STK3: variants seen among roughly 807,000 people sequenced by gnomAD.
STK3 encodes the protein serine/threonine-protein kinase 3.
STK3 carries 41 observed loss-of-function variants against 58.0 expected under a neutral mutation model. The observed-to-expected ratio is 0.71, with a 90% CI of 0.55 to 0.92. The LOEUF is 0.92. Ranked by LOEUF, STK3 falls within the 40% of genes least tolerant of loss-of-function variation. The pLI is 0.00. For synonymous variants in STK3, 170 were observed against 191.0 expected, an observed-to-expected ratio of 0.89 and a Z score of 0.91; for missense variants, 479 against 602.7, an observed-to-expected ratio of 0.79 and a Z score of 2.15.
At position 98,699,850 on chromosome 8, in the gene STK3, CAGATCT is replaced by C. The variant is rs1825386772; in HGVS notation, c.684+6611_684+6616del. On this transcript the variant is annotated intron_variant, in intron 6 of 10. Transcript: ENST00000419617. ...CTTGAGGAGGCAGTCTGCCCATTCTCAGATCTCCAGCTGCGTGCTGGGAGAACCACT... is the reference window on the plus strand; with the variant it reads ...CTTGAGGAGGCAGTCTGCCCATTCTCCCAGCTGCGTGCTGGGAGAACCACT... 2.0e-5 allele frequency among the ~76,000 whole-genome samples: 3 copies of C among 152,218 alleles called. No homozygotes were observed. In the South Asian group the frequency reaches 6.2e-4, roughly 31 times the overall value.
chr8:98,530,098 G>A (rs1368079012), intron 9 of STK3, among the ~76,000 whole-genome samples: 2 of 152,044 alleles, frequency 1.3e-5, no homozygotes, highest in African/African-American at 2.4e-5. Flanking sequence ...AAATTTTTTG[G>A]TTTCCCAGTG....
chr8:98,596,293 A>ACTG, intron 6 of STK3, 124 bp from the exon 7 acceptor site: 2 of 1,155,254 alleles, frequency 1.7e-6, no homozygotes, highest in Non-Finnish European at 2.4e-6. Context: ...CTGTTCTAGG[A>ACTG]TTTCTAGTAA....
At chr8:98,939,868 G>A (rs1840340755) in intron 1 of STK3, among the ~76,000 whole-genome samples, 1 of 152,246 alleles carries the variant, frequency 6.6e-6, no homozygotes, top group Admixed American at 6.5e-5. Flanking sequence ...GGGGCCCGGT[G>A]CGGAGAGCCC....
At chr8:98,347,486 G>A in the STK3 span, among the ~76,000 whole-genome samples, 15 of 151,118 alleles carry the variant, frequency 9.9e-5, no homozygotes, top group South Asian at 2.1e-3. Flanking sequence ...CTGCACTCCC[G>A]CCTGGGCCAC....
At chr8:98,725,969 A>G (rs1456292593) in intron 4 of STK3, among the ~76,000 whole-genome samples, 2 of 152,198 alleles carry the variant, frequency 1.3e-5, no homozygotes, top group Non-Finnish European at 2.9e-5. Context: ...CAACCCAAGC[A>G]CTGAAGCTTG....
intron 4 of STK3, among the ~76,000 whole-genome samples, chr8:98,744,097 A>G (rs1053060938): frequency 6.6e-6 from 1 of 152,110 alleles, no homozygotes; most frequent in African/African-American, 2.4e-5. Context: ...GCTGGAGAGG[A>G]TGTGGAGAAA....
intron 1 of STK3, among the ~76,000 whole-genome samples, chr8:98,933,324 C>A (rs1366767290): frequency 6.6e-6 from 1 of 152,110 alleles, no homozygotes; most frequent in Non-Finnish European, 1.5e-5. Flanking sequence ...TGTATACAGA[C>A]CGAAAAACAT....
In STK3 at chr8:98,551,159, A is replaced by G. The variant is rs572555786; in HGVS notation, c.949-2998T>C. Reference sequence around the variant, plus strand: ...TCCTTCCCCTCTATCCATTTAACTAAATCATACCTAGTTTCAGATCAAGTA... The same window carrying G: ...TCCTTCCCCTCTATCCATTTAACTAGATCATACCTAGTTTCAGATCAAGTA... On this transcript the variant is annotated intron_variant, in intron 8 of 10. Transcript: ENST00000419617. Among the ~76,000 whole-genome samples, 11 of 152,198 alleles carry G rather than the reference A, an allele frequency of 7.2e-5. No individual in the cohort carries two copies. The East Asian group carries it at 1.2e-3, about 16-fold the overall frequency.
rs547375465 is a variant in STK3 at position 98,657,193 on chromosome 8, C to A, written c.684+49274G>T. On this transcript the variant is annotated intron_variant, in intron 6 of 10. Coordinates refer to ENST00000419617, the MANE Select transcript of STK3 (RefSeq NM_006281.4). The stretch of plus-strand genomic sequence containing the variant: ...CGACCTCTGATTTTGACAATAATGG[C>A]CATTCACCCATATATAGTGCTTTCT... Among the ~76,000 whole-genome samples the A allele has an allele frequency of 2.6e-4, 39 of 152,040 alleles. No individual in the cohort carries two copies. In the South Asian group the frequency reaches 7.9e-3, roughly 31 times the overall value.
At chr8:98,417,849 C>A (rs1818131738) in intron 3 of STK3, among the ~76,000 whole-genome samples, 1 of 152,222 alleles carries the variant, frequency 6.6e-6, no homozygotes, top group African/African-American at 2.4e-5. Context: ...GGCAGCCCCC[C>A]AGGCATTCTC....
chr8:98,530,859 A>G (rs1333804947), intron 9 of STK3, among the ~76,000 whole-genome samples: 1 of 152,232 alleles, frequency 6.6e-6, no homozygotes, highest in East Asian at 1.9e-4. Flanking sequence ...CAAGGAGTAG[A>G]TTCCATCGCA....
intron 3 of STK3, chr8:98,432,138 C>A (rs201449239): frequency 0.11 from 18,989 of 166,954 alleles, 1,161 homozygotes; most frequent in Non-Finnish European, 0.12. Context: ...AACATCTAAC[C>A]AGCAGTTTCT....
intron 6 of STK3, among the ~76,000 whole-genome samples, chr8:98,667,188 T>G (rs1352429722): frequency 6.6e-6 from 1 of 152,176 alleles, no homozygotes; most frequent in Non-Finnish European, 1.5e-5. Context: ...TTATGTGTCC[T>G]AAACTCTTTT....
chr8:98,564,586 C>T (rs1812322603), intron 8 of STK3, among the ~76,000 whole-genome samples: 1 of 151,956 alleles, frequency 6.6e-6, no homozygotes, highest in South Asian at 2.1e-4. Flanking sequence ...CTGTGGTCAA[C>T]AATACTGTAT....
At chr8:98,357,829 C>T in the STK3 span, among the ~76,000 whole-genome samples, 2 of 152,116 alleles carry the variant, frequency 1.3e-5, no homozygotes, top group Non-Finnish European at 2.9e-5. Context: ...ACCCCCTCAT[C>T]AGACTTTGAG....
intron 10 of STK3, among the ~76,000 whole-genome samples, chr8:98,472,922 C>A (rs1353992081): frequency 6.6e-6 from 1 of 151,846 alleles, no homozygotes; most frequent in African/African-American, 2.4e-5. Flanking sequence ...TCATAAAATC[C>A]AGAATTAGGA....
intron 1 of STK3, among the ~76,000 whole-genome samples, chr8:98,936,051 G>T (rs1458324613): frequency 1.3e-5 from 2 of 151,992 alleles, no homozygotes; most frequent in Non-Finnish European, 2.9e-5. Context: ...CAAGTAGTGG[G>T]ACTACAGGTG....
At chr8:98,553,054 G>A (rs916682245) in intron 8 of STK3, among the ~76,000 whole-genome samples, 1 of 152,114 alleles carries the variant, frequency 6.6e-6, no homozygotes, top group African/African-American at 2.4e-5. Context: ...ACCAAGAGTA[G>A]AGCCTCTAAC....
At chr8:98,841,368 A>G (rs1399566000) in intron 3 of STK3, among the ~76,000 whole-genome samples, 1 of 152,156 alleles carries the variant, frequency 6.6e-6, no homozygotes, top group African/African-American at 2.4e-5. Flanking sequence ...TGTACAATAA[A>G]CTGCACTTGA....
Sources: gnomAD v4.1 joint callset for allele counts (sites outside exome capture counted in the v4.1 genomes callset) on GRCh38, gnomAD v4.1.1 for gene constraint, MANE v1.5 for transcripts, NCBI Gene and HGNC (gene_info 2026-07-23, HGNC 2026-07-21) for gene names.